EZH1: variants seen among roughly 807,000 people sequenced by gnomAD.
EZH1 encodes the protein enhancer of zeste 1 polycomb repressive complex 2 subunit, also known as histone-lysine N-methyltransferase EZH1.
EZH1 carries 33 observed loss-of-function variants against 100.5 expected under a neutral mutation model. The ratio of observed to expected loss-of-function variants is 0.33; its 90% CI spans 0.25 to 0.44. The LOEUF is 0.44. EZH1 is among the 20% of genes least tolerant of loss of function. The pLI is 1.00. For synonymous variants in EZH1, 272 were observed against 313.8 expected (o/e 0.87, Z 1.41); for missense variants, 475 against 928.4 (o/e 0.51, Z 6.35).
At chr17:42,708,787 C>A in intron 14 of EZH1, 89 bp downstream of exon 14, 1 of 1,405,842 alleles carries the variant, frequency 7.1e-7, no homozygotes, top group Non-Finnish European at 1.0e-6. Flanking sequence ...GGCACAGGGT[C>A]AACAAGTGCA....
In EZH1 at chr17:42,706,426, T is replaced by C. The variant is rs2053355027; in HGVS notation, c.1661-241A>G. Among the ~76,000 whole-genome samples the C allele has an allele frequency of 6.6e-6, 1 of 152,046 alleles. No homozygotes were observed. Among genetic ancestry groups the C allele is most frequent in the Admixed American group, 6.6e-5 (1 of 15,254 alleles). The stretch of plus-strand genomic sequence containing the variant: ...GTGGTCAAGCATGGTGGCTCATGCC[T>C]GTAATCCTAGCACTTTGGGAGGCCA... On this transcript the variant is annotated intron_variant, in intron 15 of 20. Transcript: ENST00000428826. This position sits in a 1 kb window ranked among gnomAD's most constrained non-coding sequence, Gnocchi z 4.4.
Position 42,733,691 on chromosome 17 carries a change from C to A in EZH1, c.-102-2773G>T, listed in dbSNP as rs565678901. On this transcript the variant is annotated intron_variant, in intron 1 of 20. Transcript: ENST00000428826. Reference sequence around the variant, plus strand: ...GCAGGGTGGCTGACGTCTGTAATCTCAGCACTTTGGAAGGCTGAGGCAGGC... The same window carrying A: ...GCAGGGTGGCTGACGTCTGTAATCTAAGCACTTTGGAAGGCTGAGGCAGGC... 3.4e-5 allele frequency among the ~76,000 whole-genome samples: 5 copies of A among 146,842 alleles called. No homozygotes were observed. The South Asian group carries it at 1.1e-3, about 32-fold the overall frequency.
chr17:42,730,487 C>CTTTTTT lies in EZH1; in HGVS notation c.-12+335_-12+340dup, dbSNP rs1156867481. On this transcript the variant is annotated intron_variant, in intron 2 of 20. Coordinates refer to ENST00000428826, the MANE Select transcript of EZH1 (RefSeq NM_001991.5). ...TCAACGTTTTAAAGAAGTATGTATT[C>CTTTTTT]TTTTTTTTTTTTTTTTTTTTTTTTT... Among the ~76,000 whole-genome samples, 5 of 66,660 alleles carry CTTTTTT rather than the reference C, an allele frequency of 7.5e-5. 2 individuals are homozygous for CTTTTTT. The highest frequency in any genetic ancestry group is 1.2e-4 in the African/African-American group (2 of 17,372). 43.7% of individuals were successfully genotyped at this position (66,660 alleles called of 152,430 possible). A position where few individuals can be genotyped will look rare whatever the true frequency, so the allele number is the denominator to read the frequency against.
chr17:42,739,124 G>A (rs1199328347), intron 1 of EZH1, among the ~76,000 whole-genome samples: 1 of 152,156 alleles, frequency 6.6e-6, no homozygotes, highest in East Asian at 1.9e-4. Flanking sequence ...AAACCTGAAT[G>A]ATAGGGGTGA....
At chr17:42,727,552 C>A in intron 4 of EZH1, 83 bp downstream of exon 4, 1 of 1,497,312 alleles carries the variant, frequency 6.7e-7, no homozygotes, top group East Asian at 2.5e-5. Flanking sequence ...CTTACTTATT[C>A]ACTTTCTAAA....
chr17:42,703,288 C>T (rs1265348738), intron 19 of EZH1: 9 of 321,314 alleles, frequency 2.8e-5, no homozygotes, highest in Middle Eastern at 2.1e-3. Context: ...GATTCTTGTG[C>T]CTCAGCCACC....
chr17:42,708,473 G>C (rs983409539), intron 14 of EZH1, among the ~76,000 whole-genome samples: 22 of 152,064 alleles, frequency 1.4e-4, no homozygotes, highest in African/African-American at 5.1e-4. Context: ...TGGCCAACAT[G>C]GTGAAACCCC....
intron 7 of EZH1, among the ~76,000 whole-genome samples, chr17:42,719,832 C>G (rs2053673102): frequency 6.6e-6 from 1 of 152,052 alleles, no homozygotes; most frequent in Non-Finnish European, 1.5e-5. Flanking sequence ...AGAATCCTAT[C>G]ATGAAGTGGA....
chr17:42,703,374 C>T, intron 19 of EZH1: 1 of 298,344 alleles, frequency 3.4e-6, no homozygotes, highest in Non-Finnish European at 6.4e-6. Flanking sequence ...GATGGGGTTT[C>T]ACCATGTTTG....
intron 3 of EZH1, among the ~76,000 whole-genome samples, chr17:42,728,403 C>T (rs1223629198): frequency 2.0e-5 from 3 of 150,500 alleles, no homozygotes; most frequent in South Asian, 2.1e-4. Flanking sequence ...TGTGAGCCAC[C>T]GCACCTGGCC....
rs967734749 is a variant in EZH1, at chr17:42,700,941, G to A, written c.*1591C>T. Reference sequence around the variant, plus strand: ...CACTTCTTCCTTCATGGGACAACAAGTGGAGTGGGAAGAAGCGGGGCTCTG... The same window carrying A: ...CACTTCTTCCTTCATGGGACAACAAATGGAGTGGGAAGAAGCGGGGCTCTG... On this transcript the variant is annotated 3_prime_UTR_variant, in exon 21 of 21. Coordinates refer to ENST00000428826, the MANE Select transcript of EZH1 (RefSeq NM_001991.5). The A allele has an allele frequency of 6.6e-6, 1 of 152,410 alleles. No individual in the cohort carries two copies. Among genetic ancestry groups the A allele is most frequent in the Admixed American group, 6.5e-5 (1 of 15,276 alleles). 9.4% of individuals were successfully genotyped at this position (152,410 alleles called of 1,614,324 possible). A position where few individuals can be genotyped will look rare whatever the true frequency, so the allele number is the denominator to read the frequency against.
rs1233962518 is a variant in EZH1, at chr17:42,701,370, GCTT to G, written c.*1159_*1161del. On this transcript the variant is annotated 3_prime_UTR_variant, in exon 21 of 21. Transcript: ENST00000428826. ...ACAGCCTGGGACAGGTGGTCTACCTGCTTCTTCTCCCACTTCAGATACCCTCTG... is the reference window on the plus strand; with the variant it reads ...ACAGCCTGGGACAGGTGGTCTACCTGCTTCTCCCACTTCAGATACCCTCTG... 1.3e-5 allele frequency: 2 copies of G among 152,892 alleles called. No individual in the cohort carries two copies. The highest frequency in any genetic ancestry group is 2.9e-5 in the Non-Finnish European group (2 of 68,118). 9.5% of individuals were successfully genotyped at this position (152,892 alleles called of 1,614,324 possible).
At position 42,727,757 on chromosome 17, in the gene EZH1, A is replaced by G. The variant is rs755595172; in HGVS notation, c.124T>C (p.Tyr42His). 1 of 1,597,724 alleles carries G rather than the reference A, an allele frequency of 6.3e-7. No homozygotes were observed. ...TGAACCTTTGCAAAATTTGCCACATACAAAGCCTAGCAAAGCCATGGAAAA... is the reference window on the plus strand; with the variant it reads ...TGAACCTTTGCAAAATTTGCCACATGCAAAGCCTAGCAAAGCCATGGAAAA... ...LQANMGAKAL[Y>H]VANFAKVQEK... Residue 42 changes from tyrosine to histidine, a missense_variant, in exon 4 of 21, where the codon TAT becomes CAT. Tyr to His is a moderately conservative substitution (Grantham distance 83). Coordinates refer to ENST00000428826, the MANE Select transcript of EZH1 (RefSeq NM_001991.5).
At chr17:42,733,328 A>C in intron 1 of EZH1, among the ~76,000 whole-genome samples, 1 of 133,338 alleles carries the variant, frequency 7.5e-6, no homozygotes, top group African/African-American at 2.9e-5. Flanking sequence ...CAAGAGCAAA[A>C]CTCTGTCTCA....
intron 10 of EZH1, 104 bp from the exon 11 acceptor site, chr17:42,713,493 T>G (rs2053530238): frequency 9.2e-7 from 1 of 1,083,666 alleles, no homozygotes; most frequent in Non-Finnish European, 1.3e-6. Flanking sequence ...ACAATAATAG[T>G]GTCTTTTCTT....
rs1003094448 is a variant in EZH1 at position 42,744,994 on chromosome 17, C to T, written c.-103+17G>A. On this transcript the variant is annotated intron_variant, in intron 1 of 20. Coordinates refer to ENST00000428826, the MANE Select transcript of EZH1 (RefSeq NM_001991.5). ...GCCCGGCCCCACCGCCCGGCCCAGG[C>T]TTGTTTACTCACTCACCCTCCATCC... The T allele has an allele frequency of 2.7e-5, 34 of 1,274,576 alleles. No individual in the cohort carries two copies. The highest frequency in any genetic ancestry group is 1.2e-4 in the Admixed American group (5 of 41,720). 79.0% of individuals were successfully genotyped at this position (1,274,576 alleles called of 1,614,324 possible). A position where few individuals can be genotyped will look rare whatever the true frequency, so the allele number is the denominator to read the frequency against.
chr17:42,716,986 C>T (rs563237714), intron 10 of EZH1, among the ~76,000 whole-genome samples: 3 of 152,080 alleles, frequency 2.0e-5, no homozygotes, highest in African/African-American at 7.2e-5. Flanking sequence ...GTGTGCACTA[C>T]GACGCCTGGC....
Position 42,718,333 on chromosome 17 carries a change from C to T in EZH1, c.931+121G>A. ...TTGAGCAAGGGAAAATAGAACTGGC[C>T]CTTTGTAAAACGTTAGAACAGAAGC... On this transcript the variant is annotated intron_variant, in intron 9 of 20. Coordinates refer to ENST00000428826, the MANE Select transcript of EZH1 (RefSeq NM_001991.5). This position sits in a 1 kb window ranked among gnomAD's most constrained non-coding sequence, Gnocchi z 4.2. 1 of 1,324,436 alleles carries T rather than the reference C, an allele frequency of 7.6e-7. No individual in the cohort carries two copies. Among genetic ancestry groups the T allele is most frequent in the Non-Finnish European group, 1.0e-6 (1 of 973,718 alleles). The allele number at this position is 1,324,436 out of a possible 1,614,324, so 82.0% of individuals were successfully genotyped here. A position where few individuals can be genotyped will look rare whatever the true frequency, so the allele number is the denominator to read the frequency against.
chr17:42,727,697 T>C lies in EZH1; in HGVS notation c.184A>G (p.Lys62Glu). The change falls in exon 4 of 21, where the codon AAG (lysine) becomes GAG (glutamate). Residue 62 changes from lysine (K) to glutamate (E), a missense_variant. This residue lies in a region of EZH1 where 105 missense variants were observed against 129.8 expected (regional missense o/e 0.81). Coordinates refer to ENST00000428826, the MANE Select transcript of EZH1 (RefSeq NM_001991.5). Reference protein sequence around the residue: ...KTQILNEEWKKLRVQPVQSMK... With the variant: ...KTQILNEEWKELRVQPVQSMK... ...GACTGAACAGGTTGGACACGAAGCT[T>C]CTTCCATTCTTCATTGAGGATCTGG... 5 of 1,608,716 alleles carry C rather than the reference T, an allele frequency of 3.1e-6. No individual in the cohort carries two copies. The highest frequency in any genetic ancestry group is 4.2e-6 in the Non-Finnish European group (5 of 1,178,494).
Sources: gnomAD v4.1 joint callset for allele counts (sites outside exome capture counted in the v4.1 genomes callset) on GRCh38, gnomAD v4.1.1 for gene constraint, gnomAD v4.1.1 regional missense constraint, Gnocchi (gnomAD v3.1) non-coding constraint, MANE v1.5 for transcripts, NCBI Gene and HGNC (gene_info 2026-07-23, HGNC 2026-07-21) for gene names.